Variants in NOX4 observed in about 807,000 individuals in gnomAD.
NOX4 encodes the protein kidney oxidase-1.
In NOX4, 69 loss-of-function variants were observed where a neutral mutation model predicts 87.6. The observed-to-expected ratio is 0.79, with a 90% confidence interval of 0.65 to 0.96. The LOEUF (loss-of-function observed/expected upper bound fraction) is 0.96. Among genes scored for constraint, NOX4 ranks in the 40% least tolerant of loss-of-function variants. The pLI is 0.00. For synonymous variants in NOX4, 275 were observed against 238.2 expected, an observed-to-expected ratio of 1.15 and a Z score of -1.42; for missense variants, 680 against 681.5, an observed-to-expected ratio of 1.00 and a Z score of 0.02.
At position 89,400,005 on chromosome 11, in the gene NOX4, T is replaced by C. The variant is rs574186799; in HGVS notation, c.1074+12A>G. 8.1e-6 allele frequency: 13 copies of C among 1,596,686 alleles called. No individual in the cohort carries two copies. The highest frequency in any genetic ancestry group is 1.1e-5 in the Non-Finnish European group (13 of 1,167,434). On this transcript the variant is annotated intron_variant, in intron 11 of 17. Transcript: ENST00000263317. ...CCTACAAATGTGAAAAAGCAAGAGA[T>C]ATGTTTCTTACCATTGTGAGGGTAA...
At chr11:89,526,281 T>C in the NOX4 span, among the ~76,000 whole-genome samples, 1 of 152,206 alleles carries the variant, frequency 6.6e-6, no homozygotes, top group African/African-American at 2.4e-5. Context: ...TGTACACATT[T>C]ATGGGGTACA....
intron 8 of NOX4, among the ~76,000 whole-genome samples, chr11:89,415,405 T>G (rs2135240513): frequency 6.6e-6 from 1 of 151,984 alleles, no homozygotes; most frequent in South Asian, 2.1e-4. Flanking sequence ...TAAATAAAAC[T>G]GAAGTAGGCT....
At chr11:89,500,483 C>T (rs568678481), upstream of NOX4, among the ~76,000 whole-genome samples, 2 of 152,136 alleles carry the variant, frequency 1.3e-5, no homozygotes, top group Non-Finnish European at 2.9e-5. Flanking sequence ...AGCAACAAAA[C>T]CCCCTAAGTT....
chr11:89,552,012 C>A, the NOX4 span, among the ~76,000 whole-genome samples: 2 of 152,054 alleles, frequency 1.3e-5, no homozygotes, highest in Admixed American at 6.6e-5. Flanking sequence ...TATATACAAT[C>A]ACTATAAAAA....
chr11:89,360,424 A>C (rs1399045227), intron 12 of NOX4, among the ~76,000 whole-genome samples: 4 of 152,136 alleles, frequency 2.6e-5, no homozygotes, highest in Non-Finnish European at 5.9e-5. Context: ...TTCACAATGC[A>C]TATGTATACC....
intron 17 of NOX4, among the ~76,000 whole-genome samples, chr11:89,332,585 T>C (rs1389246033): frequency 1.3e-5 from 2 of 151,918 alleles, no homozygotes; most frequent in African/African-American, 2.4e-5. Flanking sequence ...GTGTTACAGT[T>C]AACATTCTGC....
At position 89,342,199 on chromosome 11, in the gene NOX4, G is replaced by C. The variant is rs111971665; in HGVS notation, c.1218-6C>G. ...AAGGACCATCAATATACAGCCTGTA[G>C]AGCAGTCAGAAAAAGGTGGGAAAAA... On this transcript the variant is annotated splice_polypyrimidine_tract_variant and splice_region_variant and intron_variant, in intron 13 of 17. Transcript: ENST00000263317. 521 of 1,596,004 alleles carry C rather than the reference G, an allele frequency of 3.3e-4. 9 individuals are homozygous for C. In the South Asian group the frequency reaches 5.5e-3, roughly 17 times the overall value.
chr11:89,355,015 T>C lies in NOX4; in HGVS notation c.1164A>G (p.Pro388=), dbSNP rs370026384. 3 of 1,603,312 alleles carry C rather than the reference T, an allele frequency of 1.9e-6. No individual in the cohort carries two copies. The highest frequency in any genetic ancestry group is 1.7e-5 in the Admixed American group (1 of 59,372). ...TERFRDLLLP[P]SSQDSEILPF... is the part of the protein sequence containing the mutation. ...GCAGAATTTCGGAGTCTTGACTAGATGGAGGCAGTAGTAAATCTCGAAATC... is the reference window on the plus strand; with the variant it reads ...GCAGAATTTCGGAGTCTTGACTAGACGGAGGCAGTAGTAAATCTCGAAATC... Residue 388 remains proline (P), a synonymous_variant, in exon 13 of 18, where the codon CCA becomes CCG. Coordinates refer to ENST00000263317, the MANE Select transcript of NOX4 (RefSeq NM_016931.5).
At position 89,444,132 on chromosome 11, in the gene NOX4, C is replaced by A; in HGVS notation, c.447+3G>T. 1.2e-6 allele frequency: 2 copies of A among 1,612,172 alleles called. No individual in the cohort carries two copies. The highest frequency in any genetic ancestry group is 2.2e-5 in the East Asian group (1 of 44,830). On this transcript the variant is annotated splice_donor_region_variant and intron_variant, in intron 5 of 17. Transcript: ENST00000263317. ...GAAAAATGGGAAGACAGAGACCACC[C>A]ACCTCATCTCGGTATCTTGCTGCAT...
the NOX4 span, among the ~76,000 whole-genome samples, chr11:89,576,076 C>T: frequency 6.6e-6 from 1 of 152,216 alleles, no homozygotes; most frequent in African/African-American, 2.4e-5. Flanking sequence ...TGATTACCTT[C>T]TCTGCAGTTT....
chr11:89,335,509 C>G (rs1284230269), intron 17 of NOX4, among the ~76,000 whole-genome samples: 2 of 151,618 alleles, frequency 1.3e-5, no homozygotes, highest in African/African-American at 2.4e-5. Flanking sequence ...TGTTTGGAAA[C>G]ATGATTTTGA....
chr11:89,506,988 A>G, the NOX4 span, among the ~76,000 whole-genome samples: 1 of 152,028 alleles, frequency 6.6e-6, no homozygotes, highest in African/African-American at 2.4e-5. Context: ...CTCTCGATAC[A>G]TACTACAACA....
At chr11:89,438,882 AATATATTATATATT>A (rs1355262889) in intron 6 of NOX4, among the ~76,000 whole-genome samples, 2 of 51,674 alleles carry the variant, frequency 3.9e-5, no homozygotes, top group Non-Finnish European at 5.9e-5. Context: ...TATAATATAT[AATATATTATATATT>A]ATATATATAA....
chr11:89,552,106 T>C, the NOX4 span, among the ~76,000 whole-genome samples: 3 of 152,212 alleles, frequency 2.0e-5, no homozygotes, highest in African/African-American at 7.2e-5. Flanking sequence ...ATGTTATCTG[T>C]TCCTCATTAA....
chr11:89,504,151 G>A, the NOX4 span, among the ~76,000 whole-genome samples: 229 of 151,778 alleles, frequency 1.5e-3, 4 homozygotes, highest in Admixed American at 1.6e-3. Context: ...GTAGCAGAAG[G>A]GATGTCCAGA....
At chr11:89,486,665 CAT>C (rs1163135376) in intron 2 of NOX4, among the ~76,000 whole-genome samples, 4 of 90,242 alleles carry the variant, frequency 4.4e-5, no homozygotes, top group African/African-American at 2.6e-4. Context: ...TGTATATATA[CAT>C]ATATATGTGT....
the NOX4 span, among the ~76,000 whole-genome samples, chr11:89,529,464 G>A: frequency 6.6e-6 from 1 of 152,040 alleles, no homozygotes; most frequent in African/African-American, 2.4e-5. Flanking sequence ...TACCATATAA[G>A]CAATAATACT....
intron 8 of NOX4, among the ~76,000 whole-genome samples, chr11:89,404,739 T>C (rs377057322): frequency 2.6e-4 from 40 of 152,176 alleles, no homozygotes; most frequent in South Asian, 1.7e-3. Flanking sequence ...TCATGATATA[T>C]CACATTAGTT....
chr11:89,442,125 C>T (rs1944484817), intron 5 of NOX4, among the ~76,000 whole-genome samples: 1 of 150,220 alleles, frequency 6.7e-6, no homozygotes, highest in Non-Finnish European at 1.5e-5. Flanking sequence ...ATGCTAAATA[C>T]ATATTTATTA....
Sources: gnomAD v4.1 joint callset for allele counts (sites outside exome capture counted in the v4.1 genomes callset) on GRCh38, gnomAD v4.1.1 for gene constraint, MANE v1.5 for transcripts, NCBI Gene and HGNC (gene_info 2026-07-23, HGNC 2026-07-21) for gene names.